ZBTB46: variants seen among roughly 807,000 people sequenced by gnomAD.
ZBTB46 encodes the protein zinc finger and BTB domain-containing protein 46.
In ZBTB46, 8 loss-of-function variants were observed where a neutral mutation model predicts 44.1. That is an observed-to-expected ratio of 0.18 (90% CI 0.11 to 0.33). ZBTB46 has a LOEUF of 0.33. ZBTB46 is among the 10% of genes least tolerant of loss of function. The probability of loss-of-function intolerance (pLI) is 1.00; values close to 1 mark genes in which losing one functional copy is unlikely to be tolerated. For missense variants in ZBTB46, 651 were observed against 847.7 expected (o/e 0.77, Z 2.88); for synonymous variants, 409 against 382.3 (o/e 1.07, Z -0.81).
intron 3 of ZBTB46, chr20:63,769,296 T>G (rs1601425030): frequency 1.0e-6 from 1 of 985,260 alleles, no homozygotes; most frequent in African/African-American, 1.7e-5. Context: ...GGTCTGGCGG[T>G]TCCCCAGAGC....
Position 63,787,301 on chromosome 20 carries a change from C to T in ZBTB46, c.937+2520G>A, listed in dbSNP as rs978618231. On this transcript the variant is annotated intron_variant, in intron 2 of 4. Coordinates refer to ENST00000245663, the MANE Select transcript of ZBTB46 (RefSeq NM_001369741.1). This position sits in a 1 kb window ranked among gnomAD's most constrained non-coding sequence, Gnocchi z 4.6. Reference sequence around the variant, plus strand: ...TCCTAGCCATCGCCATCCTAGCCATCGCCACATCCTAGCACAACTTTAAAA... The same window carrying T: ...TCCTAGCCATCGCCATCCTAGCCATTGCCACATCCTAGCACAACTTTAAAA... Among the ~76,000 whole-genome samples the T allele has an allele frequency of 6.6e-6, 1 of 152,156 alleles. No homozygotes were observed. The highest frequency in any genetic ancestry group is 1.5e-5 in the Non-Finnish European group (1 of 68,018).
chr20:63,830,041 T>C (rs565649042), intron 1 of ZBTB46, among the ~76,000 whole-genome samples: 8 of 152,374 alleles, frequency 5.3e-5, no homozygotes, highest in Admixed American at 3.9e-4. Context: ...ATCGTTGAGA[T>C]TGCAGCACGG....
chr20:63,752,625 C>T lies in ZBTB46; in HGVS notation c.1398+61G>A, dbSNP rs1181611655. The T allele has an allele frequency of 3.4e-6, 5 of 1,449,522 alleles. No individual in the cohort carries two copies. The highest frequency in any genetic ancestry group is 2.3e-5 in the Admixed American group (1 of 42,834). The allele number at this position is 1,449,522 out of a possible 1,614,324, so 89.8% of individuals were successfully genotyped here. A position where few individuals can be genotyped will look rare whatever the true frequency, so the allele number is the denominator to read the frequency against. ...GGCGGTCTGCGCCCTCATCAGGACC[C>T]GCCTGCCCGGACATCGTGGCCACGC... On this transcript the variant is annotated intron_variant, in intron 4 of 4. Coordinates refer to ENST00000245663, the MANE Select transcript of ZBTB46 (RefSeq NM_001369741.1). This position sits in a 1 kb window ranked among gnomAD's most constrained non-coding sequence, Gnocchi z 5.6.
chr20:63,780,794 T>C (rs1053157071), intron 2 of ZBTB46, among the ~76,000 whole-genome samples: 1 of 147,340 alleles, frequency 6.8e-6, no homozygotes, highest in Non-Finnish European at 1.5e-5. Flanking sequence ...AGAATGATAC[T>C]CCGTCTCAAA....
rs1388594313 is a variant in ZBTB46, at chr20:63,790,873, A to T, written c.-33-83T>A. 4.8e-6 allele frequency: 7 copies of T among 1,444,106 alleles called. No individual in the cohort carries two copies. In the East Asian group the frequency reaches 1.7e-4, roughly 36 times the overall value. 89.5% of individuals were successfully genotyped at this position (1,444,106 alleles called of 1,614,324 possible). On this transcript the variant is annotated intron_variant, in intron 1 of 4. Coordinates refer to ENST00000245663, the MANE Select transcript of ZBTB46 (RefSeq NM_001369741.1). ...ACGCCGGGCGGGGCGCAGGAGGGCC[A>T]TGGGGCACAGAGTGCGGCCAGTGGG...
intron 1 of ZBTB46, among the ~76,000 whole-genome samples, chr20:63,817,842 T>C (rs557046700): frequency 1.2e-4 from 18 of 152,252 alleles, no homozygotes; most frequent in African/African-American, 4.1e-4. Flanking sequence ...CACCAGGGAC[T>C]GTGGTCAACA....
intron 2 of ZBTB46, among the ~76,000 whole-genome samples, chr20:63,779,653 C>T (rs973815440): frequency 6.6e-6 from 1 of 151,950 alleles, no homozygotes; most frequent in African/African-American, 2.4e-5. Flanking sequence ...ATCTCTTGAC[C>T]TCGTGATTCG....
intron 2 of ZBTB46, 85 bp downstream of exon 2, chr20:63,789,736 T>A: frequency 1.3e-6 from 2 of 1,514,018 alleles, no homozygotes; most frequent in Non-Finnish European, 1.8e-6. Context: ...AGCCTGGACA[T>A]GCGTCACTGC....
At chr20:63,807,145 T>C (rs756185462) in intron 1 of ZBTB46, among the ~76,000 whole-genome samples, 3 of 152,178 alleles carry the variant, frequency 2.0e-5, no homozygotes, top group Admixed American at 6.6e-5. Context: ...TATACAATCA[T>C]ATACATATAT....
chr20:63,790,936 GCGGGAGGC>G (rs1318994261), intron 1 of ZBTB46, 146 bp from the exon 2 acceptor site: 12 of 1,197,346 alleles, frequency 1.0e-5, no homozygotes, highest in Non-Finnish European at 1.4e-5. Context: ...CAGGTGTGCA[GCGGGAGGC>G]CTGTGTCTCC....
intron 4 of ZBTB46, among the ~76,000 whole-genome samples, chr20:63,749,946 C>T (rs1214859214): frequency 3.3e-5 from 5 of 152,236 alleles, no homozygotes; most frequent in East Asian, 1.9e-4. Flanking sequence ...CTTGGCAGCC[C>T]GCCCAGGCTC....
rs147317234 is a variant in ZBTB46 at position 63,811,844 on chromosome 20, G to A, written c.-34+19253C>T. ...ACAAAATGTTAGAATCACAGTCCCT[G>A]TCACTAAGTAGCACATCTATTTCAC... On this transcript the variant is annotated intron_variant, in intron 1 of 4. Transcript: ENST00000245663. Among the ~76,000 whole-genome samples the A allele has an allele frequency of 7.8e-4, 119 of 152,300 alleles. 2 individuals carry two copies. The East Asian group carries it at 0.018, about 23-fold the overall frequency.
intron 2 of ZBTB46, among the ~76,000 whole-genome samples, chr20:63,786,502 GGTT>G (rs1346903888): frequency 1.2e-4 from 19 of 152,056 alleles, no homozygotes; most frequent in African/African-American, 4.6e-4. Flanking sequence ...TTTGTTTTGA[GGTT>G]TTTTGATTTG....
At chr20:63,789,169 G>A (rs1431690629) in intron 2 of ZBTB46, among the ~76,000 whole-genome samples, 4 of 151,696 alleles carry the variant, frequency 2.6e-5, no homozygotes, top group Admixed American at 2.0e-4. Flanking sequence ...AACAAACATC[G>A]CCTGTTGGCT....
intron 3 of ZBTB46, among the ~76,000 whole-genome samples, chr20:63,773,744 C>T (rs1055293110): frequency 5.3e-5 from 8 of 152,116 alleles, no homozygotes; most frequent in South Asian, 2.1e-4. Flanking sequence ...ACCGCACCCA[C>T]GGGCATGCGC....
At chr20:63,751,200 C>T (rs1054295719) in intron 4 of ZBTB46, among the ~76,000 whole-genome samples, 1 of 149,936 alleles carries the variant, frequency 6.7e-6, no homozygotes, top group African/African-American at 2.5e-5. Context: ...AGAAGCACAT[C>T]CTCCGCTACG....
chr20:63,796,112 GCACTGTGTGTT>G (rs2092601883), intron 1 of ZBTB46, among the ~76,000 whole-genome samples: 1 of 152,248 alleles, frequency 6.6e-6, no homozygotes. Context: ...TCCATTTGCT[GCACTGTGTGTT>G]CAAAGTATTA....
chr20:63,781,475 C>T (rs2092469650), intron 2 of ZBTB46, among the ~76,000 whole-genome samples: 1 of 152,184 alleles, frequency 6.6e-6, no homozygotes, highest in Non-Finnish European at 1.5e-5. Flanking sequence ...GCATCATCCG[C>T]CATCAAAGAA....
At chr20:63,815,428 T>A (rs1295933642) in intron 1 of ZBTB46, among the ~76,000 whole-genome samples, 1 of 127,818 alleles carries the variant, frequency 7.8e-6, no homozygotes, top group Non-Finnish European at 1.6e-5. Context: ...TGGGTGCAGG[T>A]GGGCACAGGT....
Sources: allele counts gnomAD v4.1 joint callset (sites outside exome capture counted in the v4.1 genomes callset), GRCh38; gene constraint gnomAD v4.1.1; non-coding constraint Gnocchi (gnomAD v3.1); transcripts MANE v1.5; gene names NCBI Gene and HGNC (gene_info 2026-07-23, HGNC 2026-07-21).